CHIC1: variants seen among roughly 807,000 people sequenced by gnomAD.
The protein encoded by CHIC1 is cysteine-rich hydrophobic domain-containing protein 1.
A neutral mutation model predicts 18.5 loss-of-function variants in CHIC1; 7 were observed. That is an observed-to-expected ratio of 0.38 (90% CI 0.22 to 0.71). CHIC1 has a LOEUF of 0.71. Among genes scored for constraint, CHIC1 ranks in the 30% least tolerant of loss-of-function variants. The pLI is 0.49. For synonymous variants in CHIC1, 77 were observed against 73.5 expected, an observed-to-expected ratio of 1.05 and a Z score of -0.25; for missense variants, 159 against 176.9, an observed-to-expected ratio of 0.90 and a Z score of 0.57.
chrX:73,675,321 G>A (rs951351639), intron 3 of CHIC1, among the ~76,000 whole-genome samples: 4 of 111,473 alleles, frequency 3.6e-5, no homozygotes, highest in Admixed American at 1.9e-4. Context: ...GTCTAATGTT[G>A]ACATTGGGGT....
Position 73,641,678 on chromosome X carries a change from A to T in CHIC1, c.508-37648A>T, listed in dbSNP as rs369587297. The stretch of plus-strand genomic sequence containing the variant: ...GCCATCCCTTCCCCCCTCCCCCCAC[A>T]CCACAACAGTCCCCAGAGTGTGATG... On this transcript the variant is annotated intron_variant, in intron 3 of 5. Transcript: ENST00000373502. Among the ~76,000 whole-genome samples, 37 of 104,335 alleles carry T rather than the reference A, an allele frequency of 3.5e-4. 1 individual carries two copies. The highest frequency in any genetic ancestry group is 1.3e-3 in the African/African-American group (36 of 27,304). The allele number at this position is 104,335 out of a possible 115,157, so 90.6% of individuals were successfully genotyped here.
intron 3 of CHIC1, among the ~76,000 whole-genome samples, chrX:73,659,008 G>A (rs750979366): frequency 9.9e-5 from 11 of 111,598 alleles, no homozygotes; most frequent in African/African-American, 3.6e-4. Flanking sequence ...AAGAGTCCCA[G>A]CAGCCATGGC....
At chrX:73,599,526 G>C (rs531580362) in intron 3 of CHIC1, among the ~76,000 whole-genome samples, 3,708 of 103,748 alleles carry the variant, frequency 0.036, 116 homozygotes, top group Non-Finnish European at 0.048. Flanking sequence ...GTAAGGAAGG[G>C]ATCCAGTTTC....
intron 2 of CHIC1, among the ~76,000 whole-genome samples, chrX:73,579,553 C>A (rs2057516610): frequency 9.1e-6 from 1 of 110,494 alleles, no homozygotes; most frequent in Non-Finnish European, 1.9e-5. Context: ...TGACTGTTGA[C>A]CTTTTCTGTC....
chrX:73,608,009 C>G (rs1156900500), intron 3 of CHIC1, among the ~76,000 whole-genome samples: 1 of 109,147 alleles, frequency 9.2e-6, no homozygotes, highest in Non-Finnish European at 1.9e-5. Flanking sequence ...ACGATTTCTT[C>G]TTGTTTTCTT....
chrX:73,588,770 C>T (rs1270281857), intron 3 of CHIC1, among the ~76,000 whole-genome samples: 1 of 110,075 alleles, frequency 9.1e-6, no homozygotes, highest in Non-Finnish European at 1.9e-5. Flanking sequence ...TAGGTCTATT[C>T]AGATTTTCTA....
At chrX:73,672,451 G>C (rs2058036543) in intron 3 of CHIC1, among the ~76,000 whole-genome samples, 1 of 111,713 alleles carries the variant, frequency 9.0e-6, no homozygotes, top group Non-Finnish European at 1.9e-5. Flanking sequence ...ACTTTTTAAT[G>C]ATCACCATTC....
At chrX:73,667,638 G>A (rs1358274216) in intron 3 of CHIC1, among the ~76,000 whole-genome samples, 1 of 111,223 alleles carries the variant, frequency 9.0e-6, no homozygotes, top group Non-Finnish European at 1.9e-5. Context: ...TGAATTTGGG[G>A]GTTGGAAATT....
In CHIC1 at chrX:73,645,254, A is replaced by T. The variant is rs182447846; in HGVS notation, c.508-34072A>T. On this transcript the variant is annotated intron_variant, in intron 3 of 5. Transcript: ENST00000373502. ...AAAATGATAGAATTTTCTTTTCTTAATGCTGCATAGAATTCTATCATGTAT... is the reference window on the plus strand; with the variant it reads ...AAAATGATAGAATTTTCTTTTCTTATTGCTGCATAGAATTCTATCATGTAT... Among the ~76,000 whole-genome samples the T allele has an allele frequency of 8.3e-4, 93 of 112,141 alleles. No homozygotes were observed. The East Asian group carries it at 0.013, about 15-fold the overall frequency.
At chrX:73,650,902 C>T (rs1186795287) in intron 3 of CHIC1, among the ~76,000 whole-genome samples, 1 of 111,412 alleles carries the variant, frequency 9.0e-6, no homozygotes, top group African/African-American at 3.3e-5. Flanking sequence ...AAACTTCAGG[C>T]CGATATTCCT....
chrX:73,677,464 G>T (rs1339820282), intron 3 of CHIC1, among the ~76,000 whole-genome samples: 1 of 111,597 alleles, frequency 9.0e-6, no homozygotes, highest in Non-Finnish European at 1.9e-5. Flanking sequence ...CAGCCTCACT[G>T]CCACCTTACA....
chrX:73,660,261 G>T (rs971130848), intron 3 of CHIC1, among the ~76,000 whole-genome samples: 1 of 112,090 alleles, frequency 8.9e-6, no homozygotes, highest in African/African-American at 3.2e-5. Context: ...ACAGTAGGAG[G>T]ATAGTGGAGT....
chrX:73,679,310 T>C lies in CHIC1; in HGVS notation c.508-16T>C. ...TTCAGGTCATCTTGTAACAAAGTCT[T>C]GATCATTTTTCTTAGACCAGAAGAT... On this transcript the variant is annotated splice_polypyrimidine_tract_variant and intron_variant, in intron 3 of 5. Coordinates refer to ENST00000373502, the MANE Select transcript of CHIC1 (RefSeq NM_001039840.4). 9.2e-7 allele frequency: 1 copy of C among 1,089,008 alleles called. No individual in the cohort carries two copies. The highest frequency in any genetic ancestry group is 1.3e-6 in the Non-Finnish European group (1 of 788,878). The allele number at this position is 1,089,008 out of a possible 1,213,427, so 89.7% of individuals were successfully genotyped here. A position where few individuals can be genotyped will look rare whatever the true frequency, so the allele number is the denominator to read the frequency against.
chrX:73,686,458 AT>A lies in CHIC1; in HGVS notation c.*5455del, dbSNP rs771108892. On this transcript the variant is annotated 3_prime_UTR_variant, in exon 6 of 6. Transcript: ENST00000373502. ...AAATGTTATAATGTCATATTCTAGCATTGGACTAAATATCAATTTCTGACTC... is the reference window on the plus strand; with the variant it reads ...AAATGTTATAATGTCATATTCTAGCATGGACTAAATATCAATTTCTGACTC... 4 of 111,971 alleles carry A rather than the reference AT, an allele frequency of 3.6e-5. No individual in the cohort carries two copies. In the South Asian group the frequency reaches 1.5e-3, roughly 41 times the overall value. 9.2% of individuals were successfully genotyped at this position (111,971 alleles called of 1,213,427 possible). A position where few individuals can be genotyped will look rare whatever the true frequency, so the allele number is the denominator to read the frequency against.
chrX:73,622,830 A>T, intron 3 of CHIC1, among the ~76,000 whole-genome samples: 1 of 112,342 alleles, frequency 8.9e-6, no homozygotes, highest in East Asian at 2.8e-4. Context: ...ATTTAGTGCT[A>T]TAAATTTCCC....
At chrX:73,621,004 G>A (rs1157456615) in intron 3 of CHIC1, among the ~76,000 whole-genome samples, 3 of 111,744 alleles carry the variant, frequency 2.7e-5, no homozygotes, top group Non-Finnish European at 5.6e-5. Flanking sequence ...AGATCAGATG[G>A]TTGTAGATGT....
At chrX:73,632,091 T>C (rs1030390280) in intron 3 of CHIC1, among the ~76,000 whole-genome samples, 3 of 112,169 alleles carry the variant, frequency 2.7e-5, no homozygotes, top group Non-Finnish European at 5.6e-5. Flanking sequence ...TCCATACTGA[T>C]TTTCTGTCTG....
intron 3 of CHIC1, among the ~76,000 whole-genome samples, chrX:73,625,686 T>C (rs1389636356): frequency 9.0e-6 from 1 of 111,266 alleles, no homozygotes; most frequent in Non-Finnish European, 1.9e-5. Flanking sequence ...TAGTGTCAAA[T>C]CAATTTTTTA....
In CHIC1 at chrX:73,672,205, T is replaced by C. The variant is rs188571409; in HGVS notation, c.508-7121T>C. Among the ~76,000 whole-genome samples, 5 of 112,040 alleles carry C rather than the reference T, an allele frequency of 4.5e-5. No individual in the cohort carries two copies. The East Asian group carries it at 1.4e-3, about 32-fold the overall frequency. On this transcript the variant is annotated intron_variant, in intron 3 of 5. Coordinates refer to ENST00000373502, the MANE Select transcript of CHIC1 (RefSeq NM_001039840.4). The stretch of plus-strand genomic sequence containing the variant: ...TGGGTTGGTTCCAAGTCTTTGCTAT[T>C]GTGAATAGTGCCACTATAAACATAC...
Sources: allele counts gnomAD v4.1 joint callset (sites outside exome capture counted in the v4.1 genomes callset), GRCh38; gene constraint gnomAD v4.1.1; transcripts MANE v1.5; gene names NCBI Gene and HGNC (gene_info 2026-07-23, HGNC 2026-07-21).